Variants in MDGA1 observed in about 807,000 individuals in gnomAD.
MDGA1 encodes MAM domain containing glycosylphosphatidylinositol anchor 1.
In MDGA1, 54 loss-of-function variants were observed where a neutral mutation model predicts 101.5. The observed-to-expected ratio is 0.53, with a 90% CI of 0.43 to 0.67. MDGA1 has a LOEUF of 0.67. Ranked by LOEUF, MDGA1 falls within the 30% of genes least tolerant of loss-of-function variation. The pLI, the probability that MDGA1 is intolerant of heterozygous loss-of-function variation, is 0.00. For synonymous variants in MDGA1, 533 were observed against 558.3 expected, an observed-to-expected ratio of 0.95 and a Z score of 0.64; for missense variants, 1,083 against 1,323.8, an observed-to-expected ratio of 0.82 and a Z score of 2.82.
At chr6:37,686,028 C>G (rs778980703) in intron 1 of MDGA1, among the ~76,000 whole-genome samples, 1 of 152,150 alleles carries the variant, frequency 6.6e-6, no homozygotes, top group Non-Finnish European at 1.5e-5. Flanking sequence ...CATCACCCAC[C>G]CAATACCCAC....
rs149733284 is a variant in MDGA1 at position 37,635,541 on chromosome 6, C to T, written c.*1827G>A. On this transcript the variant is annotated 3_prime_UTR_variant, in exon 17 of 17. Coordinates refer to ENST00000434837, the MANE Select transcript of MDGA1 (RefSeq NM_153487.4). ...CAGAAGGCCCCGCTGCATCCTGGCC[C>T]GGCCACCCACCAGCTGTTGGTGATA... The T allele has an allele frequency of 1.8e-3, 698 of 398,692 alleles. 6 individuals are homozygous for T. The East Asian group carries it at 0.022, about 13-fold the overall frequency. The allele number at this position is 398,692 out of a possible 1,614,324, so 24.7% of individuals were successfully genotyped here.
chr6:37,663,308 T>C (rs539796712), intron 2 of MDGA1, among the ~76,000 whole-genome samples: 1 of 152,318 alleles, frequency 6.6e-6, no homozygotes, highest in East Asian at 1.9e-4. Context: ...TTCTTTCTAA[T>C]TGCTTTGGAT....
chr6:37,648,879 G>T, intron 9 of MDGA1, 103 bp downstream of exon 9: 6 of 1,443,120 alleles, frequency 4.2e-6, no homozygotes, highest in Middle Eastern at 2.3e-4. Context: ...CTTCAAGGGG[G>T]CCAGCAGGCC....
At chr6:37,684,110 G>C (rs1427392559) in intron 1 of MDGA1, among the ~76,000 whole-genome samples, 1 of 152,208 alleles carries the variant, frequency 6.6e-6, no homozygotes, top group African/African-American at 2.4e-5. Context: ...CTGTGCCATC[G>C]GGAGAAGGCT....
rs1013812954 is a variant in MDGA1 at position 37,646,363 on chromosome 6, T to C, written c.2059A>G (p.Asn687Asp). The stretch of plus-strand genomic sequence containing the variant: ...ACCGGGATGGCCTTGACCACCGCAT[T>C]GTGCTGGTTCAACTGTTAAGTACAG... ...RLSIRQLNQH[N>D]AVVKAIPVRR... is the part of the protein sequence containing the mutation. The change falls in exon 11 of 17, where the codon AAT becomes GAT. Residue 687 changes from asparagine to aspartate, a missense_variant. Physicochemically the swap from Asn to Asp is conservative, Grantham distance 23. Coordinates refer to ENST00000434837, the MANE Select transcript of MDGA1 (RefSeq NM_153487.4). 3 of 1,526,900 alleles carry C rather than the reference T, an allele frequency of 2.0e-6. No homozygotes were observed. Among genetic ancestry groups the C allele is most frequent in the Non-Finnish European group, 2.6e-6 (3 of 1,133,424 alleles). 94.6% of individuals were successfully genotyped at this position (1,526,900 alleles called of 1,614,324 possible).
At chr6:37,658,206 G>A (rs1761535086) in intron 3 of MDGA1, 39 bp downstream of exon 3, 2 of 1,520,610 alleles carry the variant, frequency 1.3e-6, no homozygotes, top group South Asian at 2.5e-5. Context: ...GCCCGGGCTG[G>A]GCTGTCAGGG....
chr6:37,645,257 G>A (rs903018363), intron 12 of MDGA1, among the ~76,000 whole-genome samples: 4 of 152,174 alleles, frequency 2.6e-5, no homozygotes, highest in South Asian at 4.1e-4. Flanking sequence ...AATTGAGGCC[G>A]GCATGGTGGC....
intron 10 of MDGA1, among the ~76,000 whole-genome samples, chr6:37,646,703 T>C (rs11757704): frequency 6.6e-6 from 1 of 152,122 alleles, no homozygotes; most frequent in Non-Finnish European, 1.5e-5. Context: ...AGTCTGCCCC[T>C]GAGCCACACT....
At position 37,650,116 on chromosome 6, in the gene MDGA1, G is replaced by T. The variant is rs804815; in HGVS notation, c.1602C>A (p.Asn534Lys). 1.2e-6 allele frequency: 2 copies of T among 1,607,770 alleles called. No homozygotes were observed. The highest frequency in any genetic ancestry group is 8.5e-7 in the Non-Finnish European group (1 of 1,175,208). The change falls in exon 8 of 17, where the codon AAC (asparagine) becomes AAA (lysine). Residue 534 changes from asparagine (N) to lysine (K), a missense_variant. By Grantham distance (94) the Asn-to-Lys change is moderately conservative. Transcript: ENST00000434837. ...GTGGCGTGGTGGACTCACACTGCAC[G>T]TTCAGCTGCACCTGGGCCTCACGGG... Reference protein sequence around the residue: ...VRPREAQVQLNVQFPPEVEPS... With the variant: ...VRPREAQVQLKVQFPPEVEPS...
intron 2 of MDGA1, among the ~76,000 whole-genome samples, chr6:37,662,094 T>G (rs1348199349): frequency 6.7e-6 from 1 of 148,720 alleles, no homozygotes; most frequent in East Asian, 2.0e-4. Context: ...GCCCAGAAGG[T>G]CAAGGCTGCA....
At chr6:37,665,811 C>T (rs1349691730) in intron 1 of MDGA1, among the ~76,000 whole-genome samples, 1 of 152,200 alleles carries the variant, frequency 6.6e-6, no homozygotes, top group African/African-American at 2.4e-5. Context: ...GTCTGCACCC[C>T]AAAGTGAACA....
At chr6:37,643,626 C>T (rs143645153) in intron 14 of MDGA1, among the ~76,000 whole-genome samples, 183 bp downstream of exon 14, 86 of 152,332 alleles carry the variant, frequency 5.6e-4, no homozygotes, top group African/African-American at 1.9e-3. Flanking sequence ...CTCAAAACCT[C>T]GGACAAGCTG....
chr6:37,658,220 G>C, intron 3 of MDGA1, 25 bp downstream of exon 3: 4 of 1,544,858 alleles, frequency 2.6e-6, no homozygotes, highest in Non-Finnish European at 3.5e-6. Flanking sequence ...GTCAGGGCCC[G>C]GGGAGAGAGG....
At chr6:37,645,662 G>A (rs1373222096) in intron 12 of MDGA1, among the ~76,000 whole-genome samples, 1 of 152,184 alleles carries the variant, frequency 6.6e-6, no homozygotes, top group Non-Finnish European at 1.5e-5. Context: ...AACAAGGGGT[G>A]TAGATGAGCC....
intron 1 of MDGA1, among the ~76,000 whole-genome samples, chr6:37,687,341 A>G (rs890504277): frequency 2.7e-5 from 4 of 150,620 alleles, no homozygotes; most frequent in Non-Finnish European, 5.9e-5. Flanking sequence ...GGATCACTTG[A>G]GCCCAGAGTT....
rs13204070 is a variant in MDGA1, at chr6:37,655,850, C to T, written c.429G>A (p.Val143=). ...TCTTCTCCTGGTAGAAGTTGCCTCG[C>T]ACATCGCTCACCGTCTGGTGCACCG... The part of the protein sequence containing the change: ...MLTVHQTVSD[V]RGNFYQEKTV... Residue 143 remains valine, a synonymous_variant, in exon 4 of 17, where the codon GTG becomes GTA. Transcript: ENST00000434837. The surrounding 1 kb of genome is among the most constrained non-coding windows in gnomAD (Gnocchi z 5.1). The T allele has an allele frequency of 0.19, 301,565 of 1,613,086 alleles. 29,538 individuals carry two copies. Among genetic ancestry groups the T allele is most frequent in the Non-Finnish European group, 0.2 (237,116 of 1,179,460 alleles).
intron 1 of MDGA1, among the ~76,000 whole-genome samples, chr6:37,680,091 C>A (rs908320838): frequency 1.3e-4 from 20 of 152,194 alleles, no homozygotes; most frequent in African/African-American, 4.8e-4. Flanking sequence ...GTTACTGACA[C>A]CTCAGTGTGA....
intron 1 of MDGA1, among the ~76,000 whole-genome samples, chr6:37,670,566 A>G (rs1028868426): frequency 6.6e-6 from 1 of 152,224 alleles, no homozygotes; most frequent in African/African-American, 2.4e-5. Flanking sequence ...AAACTCATGT[A>G]AAGTGTTTAA....
intron 2 of MDGA1, among the ~76,000 whole-genome samples, chr6:37,659,917 A>C (rs1313240532): frequency 1.3e-5 from 2 of 152,180 alleles, no homozygotes; most frequent in Non-Finnish European, 2.9e-5. Flanking sequence ...TTATGTTTAC[A>C]TAAAACATTT....
Sources: gnomAD v4.1 joint callset for allele counts (sites outside exome capture counted in the v4.1 genomes callset) on GRCh38, gnomAD v4.1.1 for gene constraint, Gnocchi (gnomAD v3.1) non-coding constraint, MANE v1.5 for transcripts, NCBI Gene and HGNC (gene_info 2026-07-23, HGNC 2026-07-21) for gene names.